The following GRID2 variants were observed in gnomAD, a reference collection of about 807,000 sequenced individuals.
GRID2 encodes glutamate receptor ionotropic, delta-2.
Under a neutral mutation model 114.8 loss-of-function variants are expected in GRID2, and 33 were observed. The ratio of observed to expected loss-of-function variants is 0.29; its 90% CI spans 0.22 to 0.38. GRID2 has a LOEUF of 0.38. GRID2 is among the 10% of genes least tolerant of loss of function. The pLI is 1.00. For synonymous variants in GRID2, 505 were observed against 449.9 expected, an observed-to-expected ratio of 1.12 and a Z score of -1.55; for missense variants, 1,184 against 1,257.7, an observed-to-expected ratio of 0.94 and a Z score of 0.89.
intron 1 of GRID2, among the ~76,000 whole-genome samples, chr4:92,306,059 G>A (rs1236135349): frequency 6.6e-6 from 1 of 152,176 alleles, no homozygotes; most frequent in Non-Finnish European, 1.5e-5. Flanking sequence ...ACATACTCCT[G>A]GTAGGGGAAT....
In GRID2 at chr4:93,170,194, C is replaced by T. The variant is rs565218059; in HGVS notation, c.736-37210C>T. ...CACCTCCTGGGCTCAAGCAATTCTC[C>T]TACCTTAGCCACTCAAGTTGCTGGA... is the stretch of plus-strand genomic sequence containing the variant. On this transcript the variant is annotated intron_variant, in intron 4 of 15. Transcript: ENST00000282020. 4.6e-5 allele frequency among the ~76,000 whole-genome samples: 7 copies of T among 152,230 alleles called. No homozygotes were observed. The East Asian group carries it at 1.4e-3, about 30-fold the overall frequency.
chr4:93,311,785 C>CT (rs1255632925), intron 8 of GRID2, among the ~76,000 whole-genome samples: 1 of 152,060 alleles, frequency 6.6e-6, no homozygotes. Context: ...CCAAATGATG[C>CT]TTTGTGTTAA....
At chr4:93,774,884 A>C (rs147733038), downstream of GRID2, among the ~76,000 whole-genome samples, 26 of 152,270 alleles carry the variant, frequency 1.7e-4, no homozygotes, top group Middle Eastern at 6.8e-3. Context: ...TGATAATATC[A>C]GGATGAGGGT....
At chr4:93,137,269 TCTGG>T (rs1359872694) in intron 4 of GRID2, among the ~76,000 whole-genome samples, 8 of 152,172 alleles carry the variant, frequency 5.3e-5, no homozygotes, top group Non-Finnish European at 1.2e-4. Context: ...CCATTGAACT[TCTGG>T]GGAAAAAATT....
intron 11 of GRID2, among the ~76,000 whole-genome samples, chr4:93,475,979 C>T (rs1725284298): frequency 6.6e-6 from 1 of 152,048 alleles, no homozygotes. Context: ...ACAATATTTA[C>T]TGTTTCGGTG....
intron 7 of GRID2, among the ~76,000 whole-genome samples, chr4:93,229,190 A>G (rs1295723085): frequency 6.6e-6 from 1 of 152,200 alleles, no homozygotes; most frequent in Admixed American, 6.5e-5. Context: ...TTTTTGCATC[A>G]TATGAGTGTT....
At chr4:92,524,382 T>C (rs1157404852) in intron 1 of GRID2, among the ~76,000 whole-genome samples, 3 of 150,476 alleles carry the variant, frequency 2.0e-5, no homozygotes, top group African/African-American at 7.3e-5. Flanking sequence ...GGCCTATATA[T>C]CTTTCTGCTC....
intron 2 of GRID2, among the ~76,000 whole-genome samples, chr4:92,817,643 TG>T (rs1385112700): frequency 6.6e-6 from 1 of 152,146 alleles, no homozygotes; most frequent in African/African-American, 2.4e-5. Context: ...TTAATTGATT[TG>T]TATCAAAACT....
chr4:93,201,266 T>C (rs1742078544), intron 4 of GRID2, among the ~76,000 whole-genome samples: 2 of 152,236 alleles, frequency 1.3e-5, no homozygotes, highest in Non-Finnish European at 2.9e-5. Context: ...CTTAGCCCAA[T>C]ATTTCTAAAT....
chr4:92,745,813 T>C (rs1737123861), intron 2 of GRID2, among the ~76,000 whole-genome samples: 1 of 152,046 alleles, frequency 6.6e-6, no homozygotes, highest in Non-Finnish European at 1.5e-5. Context: ...AAAAAGACCA[T>C]GTAGCAAATT....
intron 4 of GRID2, among the ~76,000 whole-genome samples, chr4:93,149,329 T>A (rs1736533782): frequency 6.6e-6 from 1 of 151,976 alleles, no homozygotes; most frequent in South Asian, 2.1e-4. Context: ...ATCCCAGCAC[T>A]TTGGGAGGCG....
rs556160226 is a variant in GRID2, at chr4:92,615,714, T to C, written c.244+25428T>C. The stretch of plus-strand genomic sequence containing the variant: ...CTATTCTTTTTTACTGTGATCTTTT[T>C]GTTAAATATATAAATTGAAATGTGT... On this transcript the variant is annotated intron_variant, in intron 2 of 15. Coordinates refer to ENST00000282020, the MANE Select transcript of GRID2 (RefSeq NM_001510.4). Among the ~76,000 whole-genome samples the C allele has an allele frequency of 2.0e-5, 3 of 151,810 alleles. No individual in the cohort carries two copies. In the East Asian group the frequency reaches 5.8e-4, roughly 29 times the overall value.
chr4:92,539,271 TTAAC>T (rs1481825359), intron 1 of GRID2, among the ~76,000 whole-genome samples: 3 of 152,130 alleles, frequency 2.0e-5, no homozygotes, highest in Admixed American at 6.6e-5. Flanking sequence ...TAATGAGTGT[TTAAC>T]TATCTTAAAT....
In GRID2 at chr4:93,484,803, GC is replaced by G. The variant is rs375954178; in HGVS notation, c.1859-5834del. Among the ~76,000 whole-genome samples, 499 of 151,908 alleles carry G rather than the reference GC, an allele frequency of 3.3e-3. 4 individuals are homozygous for G. The highest frequency in any genetic ancestry group is 0.012 in the African/African-American group (482 of 41,492). ...TCACTACGCATGAAGAAACCTTGAGGCCAAACTTAAAATATGTAAGGAGGTA... is the reference window on the plus strand; with the variant it reads ...TCACTACGCATGAAGAAACCTTGAGGCAAACTTAAAATATGTAAGGAGGTA... On this transcript the variant is annotated intron_variant, in intron 11 of 15. Coordinates refer to ENST00000282020, the MANE Select transcript of GRID2 (RefSeq NM_001510.4).
intron 8 of GRID2, among the ~76,000 whole-genome samples, chr4:93,383,341 C>T (rs1579900326): frequency 6.6e-6 from 1 of 152,272 alleles, no homozygotes; most frequent in South Asian, 2.1e-4. Flanking sequence ...TTGTGAACTG[C>T]ATGTAAGTTG....
At chr4:92,734,192 AAATG>A (rs1441054280) in intron 2 of GRID2, among the ~76,000 whole-genome samples, 1 of 152,216 alleles carries the variant, frequency 6.6e-6, no homozygotes, top group African/African-American at 2.4e-5. Context: ...ACTTAAAAAT[AAATG>A]AACTGAATTT....
At chr4:92,751,289 A>C (rs1737443959) in intron 2 of GRID2, among the ~76,000 whole-genome samples, 1 of 152,214 alleles carries the variant, frequency 6.6e-6, no homozygotes, top group South Asian at 2.1e-4. Context: ...AGCATTTAAA[A>C]TATGAAAATG....
chr4:93,682,387 T>C (rs1423982684), intron 14 of GRID2, among the ~76,000 whole-genome samples: 9 of 151,716 alleles, frequency 5.9e-5, no homozygotes, highest in Non-Finnish European at 7.4e-5. Flanking sequence ...TCCTCAGGGA[T>C]CTAGAACTGG....
chr4:93,104,064 G>A (rs1731964212), intron 3 of GRID2, among the ~76,000 whole-genome samples: 1 of 152,090 alleles, frequency 6.6e-6, no homozygotes, highest in South Asian at 2.1e-4. Flanking sequence ...GTAGTCTTTG[G>A]TGTCTATTGT....
Sources: allele counts gnomAD v4.1 joint callset (sites outside exome capture counted in the v4.1 genomes callset), GRCh38; gene constraint gnomAD v4.1.1; transcripts MANE v1.5; gene names NCBI Gene and HGNC (gene_info 2026-07-23, HGNC 2026-07-21).